ZNF320: variants seen among roughly 807,000 people sequenced by gnomAD.
ZNF320 encodes the protein zinc finger protein 320.
In ZNF320, 2 loss-of-function variants were observed where a neutral mutation model predicts 6.8. The ratio of observed to expected loss-of-function variants is 0.29; its 90% confidence interval spans 0.12 to 0.93. The LOEUF (loss-of-function observed/expected upper bound fraction) is 0.93. ZNF320 is among the 40% of genes least tolerant of loss of function. ZNF320 has a pLI of 0.55. For synonymous variants in ZNF320, 208 were observed against 203.2 expected (o/e 1.02, Z -0.20); for missense variants, 472 against 611.0 (o/e 0.77, Z 2.40).
At position 52,879,639 on chromosome 19, in the gene ZNF320, G is replaced by A. The variant is rs1425262114; in HGVS notation, c.*957C>T. ...AAATCAAACTCATCCAAATCAGAAA[G>A]AAAGAAGTAAAACTATTTCTTTGTA... On this transcript the variant is annotated 3_prime_UTR_variant, in exon 6 of 6. Coordinates refer to ENST00000682928, the MANE Select transcript of ZNF320 (RefSeq NM_001351774.2). 1.3e-5 allele frequency: 2 copies of A among 152,132 alleles called. No individual in the cohort carries two copies. Among genetic ancestry groups the A allele is most frequent in the Non-Finnish European group, 2.9e-5 (2 of 68,024 alleles). 9.4% of individuals were successfully genotyped at this position (152,132 alleles called of 1,614,324 possible).
chr19:52,884,089 T>C (rs1351084408), intron 5 of ZNF320, among the ~76,000 whole-genome samples: 1 of 152,128 alleles, frequency 6.6e-6, no homozygotes, highest in Non-Finnish European at 1.5e-5. Flanking sequence ...TTCTACCATA[T>C]TGGGACATGG....
In ZNF320 at chr19:52,890,307, C is replaced by G; in HGVS notation, c.-52G>C. ...TCTTCTGGGTTTCTTCCTCAGGTAC[C>G]AAGAGTCTTTAGAAGTCAATCCTAA... is the stretch of plus-strand genomic sequence containing the variant. On this transcript the variant is annotated 5_prime_UTR_variant, in exon 4 of 6. Transcript: ENST00000682928. 6.3e-7 allele frequency: 1 copy of G among 1,594,196 alleles called. No homozygotes were observed. Among genetic ancestry groups the G allele is most frequent in the Non-Finnish European group, 8.5e-7 (1 of 1,172,868 alleles).
chr19:52,874,149 A>C (rs2063726414), downstream of ZNF320: 1 of 224,622 alleles, frequency 4.5e-6, no homozygotes, highest in African/African-American at 2.3e-5. Flanking sequence ...CACACACGGG[A>C]GATCTCACCT....
chr19:52,897,437 C>G (rs2064509952), intron 1 of ZNF320, 83 bp downstream of exon 1: 2 of 152,300 alleles, frequency 1.3e-5, no homozygotes, highest in African/African-American at 4.8e-5. Flanking sequence ...TAGGAGGTGT[C>G]TGCACGACCC....
intron 4 of ZNF320, among the ~76,000 whole-genome samples, chr19:52,889,884 T>C (rs1962226789): frequency 6.6e-6 from 1 of 152,180 alleles, no homozygotes; most frequent in Admixed American, 6.5e-5. Context: ...GTGACTTCCA[T>C]TGGCAGCTGC....
chr19:52,865,000 G>A (rs981688987), intron 5 of ZNF320, among the ~76,000 whole-genome samples: 1 of 151,580 alleles, frequency 6.6e-6, no homozygotes, highest in Non-Finnish European at 1.5e-5. Context: ...GTGATAGAGC[G>A]AGACTCCTTC....
chr19:52,887,636 G>A (rs1243255615), intron 5 of ZNF320, among the ~76,000 whole-genome samples: 1 of 152,182 alleles, frequency 6.6e-6, no homozygotes, highest in Non-Finnish European at 1.5e-5. Context: ...GTCTGGGCTG[G>A]AGTGCAGCGG....
downstream of ZNF320, among the ~76,000 whole-genome samples, chr19:52,871,576 G>T (rs893465032): frequency 6.6e-6 from 1 of 152,046 alleles, no homozygotes; most frequent in Admixed American, 6.6e-5. Context: ...AACTTCTTTC[G>T]AGGTCTACGG....
At chr19:52,895,257 G>A (rs2064435378) in intron 1 of ZNF320, 1 of 152,092 alleles carries the variant, frequency 6.6e-6, no homozygotes, top group Non-Finnish European at 1.5e-5. Context: ...CTGAGGTTGG[G>A]AGTTTGAGAC....
At chr19:52,889,193 G>GA (rs67797348) in intron 4 of ZNF320, among the ~76,000 whole-genome samples, 4 of 149,652 alleles carry the variant, frequency 2.7e-5, no homozygotes, top group Admixed American at 6.7e-5. Flanking sequence ...AAAAAAAAAA[G>GA]AAAAAAAAAG....
At chr19:52,890,381 C>A in intron 3 of ZNF320, 53 bp from the exon 4 acceptor site, 6 of 1,347,848 alleles carry the variant, frequency 4.5e-6, no homozygotes, top group Non-Finnish European at 6.1e-6. Context: ...ACCCCCTCCC[C>A]ATAACACAAT....
At chr19:52,859,949 G>A (rs1600547699), downstream of ZNF320, among the ~76,000 whole-genome samples, 5 of 138,370 alleles carry the variant, frequency 3.6e-5, no homozygotes, top group South Asian at 1.1e-3. Context: ...GTATCGCTCT[G>A]TCACCCAGGC....
chr19:52,871,579 G>A (rs1375319668), downstream of ZNF320, among the ~76,000 whole-genome samples: 1 of 152,022 alleles, frequency 6.6e-6, no homozygotes, highest in African/African-American at 2.4e-5. Context: ...TTCTTTCGAG[G>A]TCTACGGTTC....
rs954695636 is a variant in ZNF320 at position 52,876,785 on chromosome 19, G to C, written c.*3811C>G. The C allele has an allele frequency of 6.7e-6, 1 of 149,066 alleles. No individual in the cohort carries two copies. Among genetic ancestry groups the C allele is most frequent in the Non-Finnish European group, 1.5e-5 (1 of 67,358 alleles). 9.2% of individuals were successfully genotyped at this position (149,066 alleles called of 1,614,324 possible). A position where few individuals can be genotyped will look rare whatever the true frequency, so the allele number is the denominator to read the frequency against. On this transcript the variant is annotated 3_prime_UTR_variant, in exon 6 of 6. Transcript: ENST00000682928. ...GTGCTGGGATTACAGGCATGAGCCA[G>C]AGCACCTGGTCTATTTTTTTTTTTT...
At position 52,862,385 on chromosome 19, in the gene ZNF320, T is replaced by C. The variant is rs1166950801; in HGVS notation, c.*1644A>G. On this transcript the variant is annotated 3_prime_UTR_variant, in exon 6 of 6. Coordinates refer to the ZNF320 transcript ENST00000673631. ...CTCCAGTATGAATTCACCTATGTCT[T>C]TCAAGCTGTGATTTACGACTGAAAA... 12 of 487,882 alleles carry C rather than the reference T, an allele frequency of 2.5e-5. No individual in the cohort carries two copies. In the Middle Eastern group the frequency reaches 1.7e-3, roughly 67 times the overall value. 30.2% of individuals were successfully genotyped at this position (487,882 alleles called of 1,614,324 possible).
chr19:52,902,594 T>C (rs1446883022), upstream of ZNF320, among the ~76,000 whole-genome samples: 2 of 152,264 alleles, frequency 1.3e-5, no homozygotes, highest in Non-Finnish European at 2.9e-5. Flanking sequence ...TAGCACCGAT[T>C]TTTATTAGTT....
At chr19:52,875,465 T>G (rs562758986), downstream of ZNF320, among the ~76,000 whole-genome samples, 9 of 152,308 alleles carry the variant, frequency 5.9e-5, no homozygotes, top group South Asian at 1.9e-3. Flanking sequence ...TCTAATCCCG[T>G]TTTTCCATTC....
chr19:52,873,040 C>T (rs533186043), downstream of ZNF320, among the ~76,000 whole-genome samples: 2 of 152,330 alleles, frequency 1.3e-5, no homozygotes, highest in South Asian at 4.1e-4. Context: ...TGTCTCACCT[C>T]CAGCCATAGG....
intron 5 of ZNF320, chr19:52,865,434 T>TTATATATATATATATATA (rs1555814106): frequency 2.6e-5 from 4 of 152,784 alleles, no homozygotes; most frequent in African/African-American, 1.3e-4. Context: ...GGTCCAGGCT[T>TTATATATATATATATATA]TATATATATA....
Sources: gnomAD v4.1 joint callset for allele counts (sites outside exome capture counted in the v4.1 genomes callset) on GRCh38, gnomAD v4.1.1 for gene constraint, MANE v1.5 for transcripts, NCBI Gene and HGNC (gene_info 2026-07-23, HGNC 2026-07-21) for gene names.